MYRIP: variants seen among roughly 807,000 people sequenced by gnomAD.
The protein encoded by MYRIP is rab effector MyRIP.
In MYRIP, 49 loss-of-function variants were observed where a neutral mutation model predicts 98.0. That is an observed-to-expected ratio of 0.50 (90% confidence interval 0.40 to 0.63). The LOEUF is 0.63. Ranked by LOEUF, MYRIP falls within the 30% of genes least tolerant of loss-of-function variation. The pLI, the probability that MYRIP is intolerant of heterozygous loss-of-function variation, is 0.00. For missense variants in MYRIP, 1,004 were observed against 1,058.2 expected (o/e 0.95, Z 0.71); for synonymous variants, 404 against 409.5 (o/e 0.99, Z 0.16).
At chr3:40,126,985 C>T (rs1949537683) in intron 3 of MYRIP, among the ~76,000 whole-genome samples, 1 of 152,184 alleles carries the variant, frequency 6.6e-6, no homozygotes, top group African/African-American at 2.4e-5. Context: ...ACCTGCACAG[C>T]TTTGCCCTAC....
chr3:39,893,674 TCACACACACACACACA>T (rs66667492), intron 1 of MYRIP, among the ~76,000 whole-genome samples: 1 of 147,068 alleles, frequency 6.8e-6, no homozygotes, highest in Admixed American at 6.9e-5. Flanking sequence ...TAAGTGGAAA[TCACACACACACACACA>T]CACACACACA....
At chr3:40,138,953 A>C (rs1315221682) in intron 3 of MYRIP, among the ~76,000 whole-genome samples, 1 of 152,194 alleles carries the variant, frequency 6.6e-6, no homozygotes, top group African/African-American at 2.4e-5. Context: ...TCTTTTAATA[A>C]GTCTCTCCCT....
chr3:40,167,784 G>T (rs536210525), intron 7 of MYRIP, among the ~76,000 whole-genome samples: 1 of 152,122 alleles, frequency 6.6e-6, no homozygotes, highest in South Asian at 2.1e-4. Context: ...AGAACTCACA[G>T]AACTCAGGAA....
chr3:39,975,756 C>A (rs547681023), intron 2 of MYRIP, among the ~76,000 whole-genome samples: 1 of 152,274 alleles, frequency 6.6e-6, no homozygotes, highest in South Asian at 2.1e-4. Flanking sequence ...AAAGCTACAA[C>A]CATCTGATCT....
chr3:39,951,955 G>T (rs560647042), intron 2 of MYRIP, among the ~76,000 whole-genome samples: 1 of 152,220 alleles, frequency 6.6e-6, no homozygotes, highest in African/African-American at 2.4e-5. Flanking sequence ...ACAATTTAAT[G>T]ATTTCTAGTA....
intron 2 of MYRIP, 136 bp downstream of exon 2, chr3:39,901,062 G>A (rs1943730592): frequency 3.2e-6 from 2 of 625,220 alleles, no homozygotes; most frequent in Non-Finnish European, 5.5e-6. Context: ...CCTGTCCTTT[G>A]TAGAAAGGTT....
At chr3:40,071,140 G>C (rs1948215954) in intron 3 of MYRIP, 5 of 985,420 alleles carry the variant, frequency 5.1e-6, no homozygotes, top group Non-Finnish European at 6.0e-6. Context: ...AACTGCAGTA[G>C]GAGCCATCTC....
chr3:40,002,868 G>A (rs1946550024), intron 2 of MYRIP, among the ~76,000 whole-genome samples: 1 of 151,328 alleles, frequency 6.6e-6, no homozygotes, highest in East Asian at 1.9e-4. Flanking sequence ...AAATATATAA[G>A]TGTCTATATA....
intron 10 of MYRIP, among the ~76,000 whole-genome samples, chr3:40,205,949 C>T (rs1951781096): frequency 6.6e-6 from 1 of 152,148 alleles, no homozygotes; most frequent in Non-Finnish European, 1.5e-5. Context: ...ACACGTACCC[C>T]TCTATTGTTG....
chr3:40,006,586 C>A (rs1037715701), intron 2 of MYRIP, among the ~76,000 whole-genome samples: 12 of 152,112 alleles, frequency 7.9e-5, no homozygotes, highest in African/African-American at 1.4e-4. Context: ...GTGGAGGGAC[C>A]ATTAACCGAG....
chr3:39,823,233 T>A (rs1941166790), intron 1 of MYRIP, among the ~76,000 whole-genome samples: 1 of 152,134 alleles, frequency 6.6e-6, no homozygotes, highest in African/African-American at 2.4e-5. Flanking sequence ...TTCCCCAGAC[T>A]GGTCTTCTGA....
intron 3 of MYRIP, among the ~76,000 whole-genome samples, chr3:40,145,447 C>T (rs1472892128): frequency 2.0e-5 from 3 of 152,176 alleles, no homozygotes; most frequent in Admixed American, 2.0e-4. Context: ...ATTTTTTCCA[C>T]CAAACCAGGG....
intron 2 of MYRIP, among the ~76,000 whole-genome samples, chr3:40,037,804 C>G (rs1947417279): frequency 6.6e-6 from 1 of 151,996 alleles, no homozygotes; most frequent in African/African-American, 2.4e-5. Flanking sequence ...TCATTGCCTA[C>G]CCCCCTTCCT....
At chr3:39,908,100 G>T (rs1226573722) in intron 2 of MYRIP, among the ~76,000 whole-genome samples, 1 of 152,184 alleles carries the variant, frequency 6.6e-6, no homozygotes, top group Non-Finnish European at 1.5e-5. Flanking sequence ...TCCAAAGGTT[G>T]CTGGTGCTCT....
intron 9 of MYRIP, among the ~76,000 whole-genome samples, chr3:40,183,747 T>G (rs1559439269): frequency 1.3e-5 from 2 of 152,214 alleles, no homozygotes; most frequent in Non-Finnish European, 2.9e-5. Context: ...TCATCCCATG[T>G]CGTATCAGAT....
At chr3:39,859,607 G>A (rs1319754866) in intron 1 of MYRIP, among the ~76,000 whole-genome samples, 1 of 152,198 alleles carries the variant, frequency 6.6e-6, no homozygotes, top group African/African-American at 2.4e-5. Flanking sequence ...GAACATAGAT[G>A]TAAAAATTCT....
At chr3:39,947,077 TTTTAATATAA>T (rs1944920614) in intron 2 of MYRIP, among the ~76,000 whole-genome samples, 1 of 152,184 alleles carries the variant, frequency 6.6e-6, no homozygotes, top group South Asian at 2.1e-4. Context: ...TAGATTCAGC[TTTTAATATAA>T]CAGTTTTAAT....
chr3:40,102,567 G>A (rs1948966746), intron 3 of MYRIP, among the ~76,000 whole-genome samples: 1 of 152,156 alleles, frequency 6.6e-6, no homozygotes, highest in South Asian at 2.1e-4. Flanking sequence ...CCTTATTCAA[G>A]TGGAAGCCCA....
chr3:40,045,705 A>C (rs779330372), intron 3 of MYRIP, among the ~76,000 whole-genome samples: 43 of 152,208 alleles, frequency 2.8e-4, no homozygotes, highest in Non-Finnish European at 4.6e-4. Context: ...CACACATTCA[A>C]GCCAAGTTCC....
Sources: allele counts gnomAD v4.1 joint callset (sites outside exome capture counted in the v4.1 genomes callset), GRCh38; gene constraint gnomAD v4.1.1; transcripts MANE v1.5; gene names NCBI Gene and HGNC (gene_info 2026-07-23, HGNC 2026-07-21).